ZNF14: variants seen among roughly 807,000 people sequenced by gnomAD.
ZNF14 encodes the protein zinc finger protein 14.
Under a neutral mutation model 11.3 loss-of-function variants are expected in ZNF14, and 9 were observed. The ratio of observed to expected loss-of-function variants is 0.80; its 90% CI spans 0.48 to 1.39. The LOEUF (loss-of-function observed/expected upper bound fraction) is 1.39, where lower values mean the gene tolerates loss of function less well. ZNF14 is among the 40% of genes most tolerant of loss of function. ZNF14 has a pLI of 0.00. For synonymous variants in ZNF14, 239 were observed against 245.7 expected, an observed-to-expected ratio of 0.97 and a Z score of 0.25; for missense variants, 711 against 763.9, an observed-to-expected ratio of 0.93 and a Z score of 0.82.
At position 19,714,123 on chromosome 19, in the gene ZNF14, T is replaced by C; in HGVS notation, c.159A>G (p.Glu53=). 1 of 1,613,494 alleles carries C rather than the reference T, an allele frequency of 6.2e-7. No individual in the cohort carries two copies. Residue 53 remains glutamate, a synonymous_variant, in exon 3 of 4, where the codon GAA becomes GAG. Transcript: ENST00000344099. ...TTTTCCCCTGGTTTCTGTGGTCATC[T>C]TCAATGTCCTGGTCTTCCCACTTTT... ...LGKKWEDQDI[E]DDHRNQGKNR... is the part of the protein sequence containing the mutation.
chr19:19,716,139 G>A lies in ZNF14; in HGVS notation c.4-1652C>T, dbSNP rs935996649. Among the ~76,000 whole-genome samples, 3 of 152,168 alleles carry A rather than the reference G, an allele frequency of 2.0e-5. No individual in the cohort carries two copies. The East Asian group carries it at 5.8e-4, about 29-fold the overall frequency. ...GGGGTTTTCACTGAGGTTAGGGAGT[G>A]GGCTAGTGTGGGAGTTCAAGCATAC... On this transcript the variant is annotated intron_variant, in intron 1 of 3. Transcript: ENST00000344099.
At chr19:19,718,418 T>C (rs1014924841) in intron 1 of ZNF14, among the ~76,000 whole-genome samples, 3 of 152,174 alleles carry the variant, frequency 2.0e-5, no homozygotes, top group African/African-American at 7.2e-5. Flanking sequence ...TGATGAGTGA[T>C]CTTGAAGAAC....
Position 19,733,026 on chromosome 19 carries a change from A to G in ZNF14, c.-68T>C, listed in dbSNP as rs1681028551. ...GTCAGTACCTGCAGGTCACGGCGCG[A>G]CAAAGGATGCGCTAGAGCCACCTTC... is the stretch of plus-strand genomic sequence containing the variant. On this transcript the variant is annotated 5_prime_UTR_variant, in exon 1 of 4. Coordinates refer to ENST00000344099, the MANE Select transcript of ZNF14 (RefSeq NM_021030.3). 1.0e-5 allele frequency: 16 copies of G among 1,594,824 alleles called. No homozygotes were observed. Among genetic ancestry groups the G allele is most frequent in the Non-Finnish European group, 3.4e-6 (4 of 1,168,766 alleles).
At chr19:19,725,854 C>T (rs7256739) in intron 1 of ZNF14, among the ~76,000 whole-genome samples, 55,926 of 127,424 alleles carry the variant, frequency 0.44, 19,058 homozygotes, top group East Asian at 0.55. Flanking sequence ...TACCCTTTCT[C>T]CCACTTGATG....
Position 19,712,940 on chromosome 19 carries a change from T to C in ZNF14, c.341A>G (p.His114Arg). 1 of 1,614,194 alleles carries C rather than the reference T, an allele frequency of 6.2e-7. No individual in the cohort carries two copies. Among genetic ancestry groups the C allele is most frequent in the Non-Finnish European group, 8.5e-7 (1 of 1,180,022 alleles). ...CATGTGCCTATTAAGGGACGAATGATGAATGAAGTCTCTTCCACAAAAGCT... is the reference window on the plus strand; with the variant it reads ...CATGTGCCTATTAAGGGACGAATGACGAATGAAGTCTCTTCCACAAAAGCT... ...ECSFCGRDFI[H>R]HSSLNRHMRS... The change falls in exon 4 of 4, where the codon CAT becomes CGT. Residue 114 changes from histidine to arginine, a missense_variant. Physicochemically the swap from His to Arg is conservative, Grantham distance 29. Coordinates refer to ENST00000344099, the MANE Select transcript of ZNF14 (RefSeq NM_021030.3).
intron 1 of ZNF14, among the ~76,000 whole-genome samples, chr19:19,716,676 C>T (rs190537987): frequency 7.2e-5 from 11 of 152,164 alleles, no homozygotes; most frequent in South Asian, 2.1e-4. Flanking sequence ...AAGTAAGGAA[C>T]GTAGAAATTG....
At chr19:19,730,676 GCTGAGGCGGGCGGATCAC>G (rs2062420771) in intron 1 of ZNF14, among the ~76,000 whole-genome samples, 1 of 152,174 alleles carries the variant, frequency 6.6e-6, no homozygotes, top group African/African-American at 2.4e-5. Context: ...ACTTTGGGAA[GCTGAGGCGGGCGGATCAC>G]CTGAGGTTGG....
chr19:19,717,478 A>G (rs1039194526), intron 1 of ZNF14, among the ~76,000 whole-genome samples: 14 of 152,254 alleles, frequency 9.2e-5, no homozygotes, highest in African/African-American at 3.4e-4. Context: ...ATCATTACAC[A>G]CTAATGATTA....
chr19:19,721,525 C>G (rs181038392), intron 1 of ZNF14, among the ~76,000 whole-genome samples: 1 of 152,332 alleles, frequency 6.6e-6, no homozygotes, highest in East Asian at 1.9e-4. Flanking sequence ...ACACTGTTTT[C>G]TTCAAGTCAC....
At chr19:19,716,985 A>G (rs1268266846) in intron 1 of ZNF14, among the ~76,000 whole-genome samples, 1 of 152,162 alleles carries the variant, frequency 6.6e-6, no homozygotes, top group Non-Finnish European at 1.5e-5. Flanking sequence ...TCCCAACACC[A>G]ATACAAGGTG....
intron 1 of ZNF14, among the ~76,000 whole-genome samples, chr19:19,731,863 C>G (rs1226522816): frequency 6.6e-6 from 1 of 152,094 alleles, no homozygotes; most frequent in Non-Finnish European, 1.5e-5. Flanking sequence ...GTCAGGAGAT[C>G]GAGACCATCC....
intron 1 of ZNF14, among the ~76,000 whole-genome samples, chr19:19,715,647 C>T (rs771230138): frequency 2.0e-5 from 3 of 152,178 alleles, no homozygotes; most frequent in African/African-American, 7.2e-5. Flanking sequence ...TGTTTAGTGA[C>T]CTTGCAGCTG....
Position 19,711,168 on chromosome 19 carries a change from A to C in ZNF14, c.*184T>G. 1 of 559,338 alleles carries C rather than the reference A, an allele frequency of 1.8e-6. No homozygotes were observed. Among genetic ancestry groups the C allele is most frequent in the Non-Finnish European group, 2.9e-6 (1 of 344,194 alleles). 34.6% of individuals were successfully genotyped at this position (559,338 alleles called of 1,614,324 possible). ...ATGAATTAGGTCAACTGAAGGCTTA[A>C]TCACAATGTTTACATTCATACTGTT... is the stretch of plus-strand genomic sequence containing the variant. On this transcript the variant is annotated 3_prime_UTR_variant, in exon 4 of 4. Coordinates refer to ENST00000344099, the MANE Select transcript of ZNF14 (RefSeq NM_021030.3).
Position 19,712,461 on chromosome 19 carries a change from T to A in ZNF14, c.820A>T (p.Thr274Ser), listed in dbSNP as rs12973901. The change falls in exon 4 of 4, where the codon ACT (threonine) becomes TCT (serine). Residue 274 changes from threonine (T) to serine (S), a missense_variant. By Grantham distance (58) the Thr-to-Ser change is moderately conservative. Transcript: ENST00000344099. ...TYFRTHERTH[T>S]GEKPYKCKEC... ...TTACATTTGTAGGGTTTTTCTCCAG[T>A]GTGAGTTCTTTCATGAGTTCGAAAG... is the stretch of plus-strand genomic sequence containing the variant. 0.25 allele frequency: 401,906 copies of A among 1,612,700 alleles called. 52,992 individuals are homozygous for A. The highest frequency in any genetic ancestry group is 0.27 in the South Asian group (24,896 of 90,846).
At position 19,729,390 on chromosome 19, in the gene ZNF14, G is replaced by A. The variant is rs190486967; in HGVS notation, c.3+3566C>T. 2.1e-3 allele frequency among the ~76,000 whole-genome samples: 321 copies of A among 149,818 alleles called. 1 individual carries two copies. The highest frequency in any genetic ancestry group is 6.9e-3 in the Middle Eastern group (2 of 290). ...GAGTGCAATGGCGCAATCTCAGCTC[G>A]CTGCAACCTCAGCCTCCTGGGTTCA... On this transcript the variant is annotated intron_variant, in intron 1 of 3. Coordinates refer to ENST00000344099, the MANE Select transcript of ZNF14 (RefSeq NM_021030.3).
At chr19:19,721,265 CTTACT>C (rs764584400) in intron 1 of ZNF14, among the ~76,000 whole-genome samples, 1 of 152,220 alleles carries the variant, frequency 6.6e-6, no homozygotes, top group African/African-American at 2.4e-5. Flanking sequence ...CCTTCCTACT[CTTACT>C]TTAATCAACC....
intron 1 of ZNF14, among the ~76,000 whole-genome samples, chr19:19,731,435 G>A (rs1486942066): frequency 6.6e-6 from 1 of 152,098 alleles, no homozygotes; most frequent in Non-Finnish European, 1.5e-5. Flanking sequence ...AATTAGCCGG[G>A]TGTGGTGGTG....
Position 19,711,632 on chromosome 19 carries a change from T to C in ZNF14, c.1649A>G (p.Glu550Gly). 6.2e-7 allele frequency: 1 copy of C among 1,614,208 alleles called. No individual in the cohort carries two copies. The highest frequency in any genetic ancestry group is 8.5e-7 in the Non-Finnish European group (1 of 1,180,038). Residue 550 changes from glutamate to glycine, a missense_variant, in exon 4 of 4, where the codon GAA becomes GGA. Coordinates refer to ENST00000344099, the MANE Select transcript of ZNF14 (RefSeq NM_021030.3). ...FLRSSQIRLH[E>G]RTHTGEKPYQ... The stretch of plus-strand genomic sequence containing the variant: ...CGGTTTCTCTCCAGTGTGAGTCCTT[T>C]CATGCAATCGAATTTGACTGGAACG...
chr19:19,721,962 C>CAAAAA (rs36021998), intron 1 of ZNF14, among the ~76,000 whole-genome samples: 2 of 107,184 alleles, frequency 1.9e-5, no homozygotes, highest in Admixed American at 1.0e-4. Flanking sequence ...GACTCAGTCT[C>CAAAAA]AAAAAAAAAA....
Sources: gnomAD v4.1 joint callset for allele counts (sites outside exome capture counted in the v4.1 genomes callset) on GRCh38, gnomAD v4.1.1 for gene constraint, MANE v1.5 for transcripts, NCBI Gene and HGNC (gene_info 2026-07-23, HGNC 2026-07-21) for gene names.